CCDC42: variants seen among roughly 807,000 people sequenced by gnomAD.
CCDC42 encodes coiled-coil domain-containing protein 42.
Under a neutral mutation model 40.8 loss-of-function variants are expected in CCDC42, and 38 were observed. That is an observed-to-expected ratio of 0.93 (90% CI 0.72 to 1.22). The LOEUF (loss-of-function observed/expected upper bound fraction) is 1.22, where lower values mean the gene tolerates loss of function less well. Ranked by LOEUF, CCDC42 falls within the 50% of genes most tolerant of loss-of-function variation. The probability of loss-of-function intolerance (pLI) is 0.00; values close to 1 mark genes in which losing one functional copy is unlikely to be tolerated. For missense variants in CCDC42, 379 were observed against 416.5 expected (o/e 0.91, Z 0.78); for synonymous variants, 135 against 157.5 (o/e 0.86, Z 1.07).
chr17:8,732,466 C>A (rs1010568878), intron 6 of CCDC42, among the ~76,000 whole-genome samples: 1 of 152,186 alleles, frequency 6.6e-6, no homozygotes, highest in South Asian at 2.1e-4. Context: ...GCTGCTGATA[C>A]TGTTACCATT....
intron 4 of CCDC42, among the ~76,000 whole-genome samples, chr17:8,739,901 C>G (rs540790519): frequency 9.9e-5 from 15 of 152,158 alleles, no homozygotes; most frequent in South Asian, 4.1e-4. Context: ...TCCTGCCCCC[C>G]CAACAAACCC....
intron 1 of CCDC42, 83 bp downstream of exon 1, chr17:8,744,444 A>G: frequency 8.7e-7 from 1 of 1,150,428 alleles, no homozygotes; most frequent in Non-Finnish European, 1.3e-6. Context: ...AGGAGGGGAC[A>G]GACGGTTGGA....
intron 4 of CCDC42, among the ~76,000 whole-genome samples, chr17:8,736,789 G>A (rs992528929): frequency 1.3e-5 from 2 of 152,140 alleles, no homozygotes; most frequent in African/African-American, 4.8e-5. Context: ...GTGTAGGGAG[G>A]TGAGGCAGTG....
intron 4 of CCDC42, among the ~76,000 whole-genome samples, chr17:8,740,697 G>T (rs1487266124): frequency 6.6e-6 from 1 of 152,068 alleles, no homozygotes; most frequent in Non-Finnish European, 1.5e-5. Flanking sequence ...CCCCCAAGAG[G>T]CGCGGTGGAA....
Position 8,731,764 on chromosome 17 carries a change from G to A in CCDC42, c.874-1557C>T, listed in dbSNP as rs184852664. Among the ~76,000 whole-genome samples, 3 of 152,138 alleles carry A rather than the reference G, an allele frequency of 2.0e-5. No individual in the cohort carries two copies. In the East Asian group the frequency reaches 5.8e-4, roughly 29 times the overall value. On this transcript the variant is annotated intron_variant, in intron 6 of 6. Transcript: ENST00000293845. ...GGGATCTGCTTGAGGGTGGAGAGTGGGAGGAGGGAGAGGATCAGAAAAAAT... is the reference window on the plus strand; with the variant it reads ...GGGATCTGCTTGAGGGTGGAGAGTGAGAGGAGGGAGAGGATCAGAAAAAAT...
chr17:8,744,292 C>G (rs1479641684), intron 1 of CCDC42, 108 bp from the exon 2 acceptor site: 8 of 855,584 alleles, frequency 9.4e-6, no homozygotes, highest in Non-Finnish European at 1.5e-5. Flanking sequence ...AGGGGCCTCT[C>G]TCCCTTTCCG....
intron 3 of CCDC42, 146 bp from the exon 4 acceptor site, chr17:8,741,817 G>C (rs1447777547): frequency 1.4e-6 from 1 of 724,830 alleles, no homozygotes; most frequent in Non-Finnish European, 2.3e-6. Flanking sequence ...GCCACCCATG[G>C]GGCAGAAGAG....
rs536001412 is a variant in CCDC42 at position 8,744,158 on chromosome 17, G to A, written c.110C>T (p.Ser37Leu). ...CAGTAGCCAGATGGATGGGGACTCC[G>A]ACGCCCCCTCAACATTGGGGAGTTT... is the stretch of plus-strand genomic sequence containing the variant. ...LQKLPNVEGA[S>L]ESPSIWLLEK... The change falls in exon 2 of 7, where the codon TCG (serine) becomes TTG (leucine). Residue 37 changes from serine to leucine, a missense_variant. Ser to Leu is a moderately radical substitution (Grantham distance 145, BLOSUM62 -2). Coordinates refer to ENST00000293845, the MANE Select transcript of CCDC42 (RefSeq NM_144681.3). 3.7e-6 allele frequency: 6 copies of A among 1,613,878 alleles called. No homozygotes were observed. In the African/African-American group the frequency reaches 4.0e-5, roughly 11 times the overall value.
At position 8,730,148 on chromosome 17, in the gene CCDC42, T is replaced by C. The variant is rs1253989239; in HGVS notation, c.933A>G (p.Gln311=). The C allele has an allele frequency of 5.6e-6, 9 of 1,613,810 alleles. No homozygotes were observed. Among genetic ancestry groups the C allele is most frequent in the Non-Finnish European group, 6.8e-6 (8 of 1,179,796 alleles). The change falls in exon 7 of 7, where the codon CAA becomes CAG. Residue 311 remains glutamine, a synonymous_variant. Coordinates refer to ENST00000293845, the MANE Select transcript of CCDC42 (RefSeq NM_144681.3). Reference sequence around the variant, plus strand: ...TGCCTCCTTAAATCCGGACTCGCTGTTGTTCCTTCTTTTTCACCTCTGCCC... The same window carrying C: ...TGCCTCCTTAAATCCGGACTCGCTGCTGTTCCTTCTTTTTCACCTCTGCCC... ...DIWAEVKKKE[Q]QRVRI
At chr17:8,736,627 C>T (rs2086612902) in intron 4 of CCDC42, among the ~76,000 whole-genome samples, 1 of 152,232 alleles carries the variant, frequency 6.6e-6, no homozygotes, top group Admixed American at 6.5e-5. Flanking sequence ...GGGAACTGCC[C>T]TGCTGGCCTT....
chr17:8,738,183 T>C (rs1453626278), intron 4 of CCDC42, among the ~76,000 whole-genome samples: 3 of 152,188 alleles, frequency 2.0e-5, no homozygotes, highest in African/African-American at 7.2e-5. Flanking sequence ...ATCAATTGTA[T>C]AGTAGGTGTG....
In CCDC42 at chr17:8,735,360, G is replaced by C; in HGVS notation, c.714+30C>G. ...AGGGCCCGCACTCACCCAGTGCCTG[G>C]GAGCCCCCGGCCCGCCCCGGGCCCC... On this transcript the variant is annotated intron_variant, in intron 5 of 6. Coordinates refer to ENST00000293845, the MANE Select transcript of CCDC42 (RefSeq NM_144681.3). This position sits in a 1 kb window ranked among gnomAD's most constrained non-coding sequence, Gnocchi z 4.7. The C allele has an allele frequency of 6.2e-7, 1 of 1,612,676 alleles. No individual in the cohort carries two copies. The highest frequency in any genetic ancestry group is 2.2e-5 in the East Asian group (1 of 44,872).
chr17:8,733,528 T>C (rs1462358280), intron 6 of CCDC42, among the ~76,000 whole-genome samples: 2 of 152,210 alleles, frequency 1.3e-5, no homozygotes, highest in African/African-American at 4.8e-5. Context: ...CTTGCTCTTG[T>C]TGCCCAGGCT....
chr17:8,735,006 C>T lies in CCDC42; in HGVS notation c.873+90G>A. ...AATTTTGAGAGTCCCTGCTCTGCTT[C>T]TCTGTCAGGTTCATTCTTCCACCCA... On this transcript the variant is annotated intron_variant, in intron 6 of 6. Coordinates refer to ENST00000293845, the MANE Select transcript of CCDC42 (RefSeq NM_144681.3). The surrounding 1 kb of genome is among the most constrained non-coding windows in gnomAD (Gnocchi z 4.7). 1.4e-6 allele frequency: 2 copies of T among 1,413,514 alleles called. No homozygotes were observed. The highest frequency in any genetic ancestry group is 2.5e-5 in the South Asian group (2 of 80,930). 87.6% of individuals were successfully genotyped at this position (1,413,514 alleles called of 1,614,324 possible).
At chr17:8,744,036 C>G (rs756673878) in intron 2 of CCDC42, 43 bp downstream of exon 2, 2 of 1,454,692 alleles carry the variant, frequency 1.4e-6, no homozygotes, top group Admixed American at 1.8e-5. Context: ...CAGCCCACCC[C>G]CTTCCTTTCC....
Position 8,735,998 on chromosome 17 carries a change from G to T in CCDC42, c.493-387C>A, listed in dbSNP as rs1196726376. On this transcript the variant is annotated intron_variant, in intron 4 of 6. Coordinates refer to ENST00000293845, the MANE Select transcript of CCDC42 (RefSeq NM_144681.3). This position sits in a 1 kb window ranked among gnomAD's most constrained non-coding sequence, Gnocchi z 4.7. Reference sequence around the variant, plus strand: ...TGCAAAAGGTCCCCTGGTGGCTCTAGGCACAGCCAGGGTTGATAATCGCTG... The same window carrying T: ...TGCAAAAGGTCCCCTGGTGGCTCTATGCACAGCCAGGGTTGATAATCGCTG... 6.6e-6 allele frequency among the ~76,000 whole-genome samples: 1 copy of T among 152,140 alleles called. No individual in the cohort carries two copies. Among genetic ancestry groups the T allele is most frequent in the Non-Finnish European group, 1.5e-5 (1 of 68,018 alleles).
intron 4 of CCDC42, among the ~76,000 whole-genome samples, chr17:8,739,568 G>A (rs1329379613): frequency 2.0e-5 from 3 of 152,190 alleles, no homozygotes; most frequent in Non-Finnish European, 4.4e-5. Context: ...TTGAGACGGA[G>A]TTTCGCTCTT....
Position 8,735,619 on chromosome 17 carries a change from C to A in CCDC42, c.493-8G>T. The A allele has an allele frequency of 6.2e-7, 1 of 1,611,538 alleles. No individual in the cohort carries two copies. The highest frequency in any genetic ancestry group is 1.1e-5 in the South Asian group (1 of 90,844). On this transcript the variant is annotated splice_region_variant and splice_polypyrimidine_tract_variant and intron_variant, in intron 4 of 6. Transcript: ENST00000293845. This position sits in a 1 kb window ranked among gnomAD's most constrained non-coding sequence, Gnocchi z 4.7. ...CTCATGGATCTCCTCGAACTGTGGT[C>A]AGGGGCTCAGGTCAATGCACAGCCA...
At chr17:8,739,940 A>G (rs1184956380) in intron 4 of CCDC42, among the ~76,000 whole-genome samples, 1 of 152,128 alleles carries the variant, frequency 6.6e-6, no homozygotes, top group Non-Finnish European at 1.5e-5. Context: ...CTGACCTTAT[A>G]GTACGTAGCA....
Sources: allele counts gnomAD v4.1 joint callset (sites outside exome capture counted in the v4.1 genomes callset), GRCh38; gene constraint gnomAD v4.1.1; non-coding constraint Gnocchi (gnomAD v3.1); transcripts MANE v1.5; gene names NCBI Gene and HGNC (gene_info 2026-07-23, HGNC 2026-07-21).